The following EIF2S3 variants were observed in gnomAD, a reference collection of about 807,000 sequenced individuals.
EIF2S3 encodes the protein eukaryotic translation initiation factor 2 subunit gamma, also known as eukaryotic translation initiation factor 2 subunit 3.
Under a neutral mutation model 31.7 loss-of-function variants are expected in EIF2S3, and 2 were observed. The observed-to-expected ratio is 0.06, with a 90% CI of 0.03 to 0.20. The LOEUF is 0.20. Among genes scored for constraint, EIF2S3 ranks in the 10% least tolerant of loss-of-function variants. EIF2S3 has a pLI of 1.00. For missense variants in EIF2S3, 96 were observed against 359.3 expected (o/e 0.27, Z 5.92); for synonymous variants, 120 against 126.7 (o/e 0.95, Z 0.36).
chrX:24,060,272 T>C (rs1384419987), intron 5 of EIF2S3, 90 bp downstream of exon 5: 1 of 777,998 alleles, frequency 1.3e-6, no homozygotes, highest in East Asian at 3.3e-5. Flanking sequence ...TTAAGGATCA[T>C]ATCTATTACC....
chrX:24,059,432 T>G (rs994792173), intron 4 of EIF2S3, among the ~76,000 whole-genome samples: 3 of 110,728 alleles, frequency 2.7e-5, no homozygotes, highest in Non-Finnish European at 3.8e-5. Context: ...TTTTTCTCTT[T>G]TTTTTTTGAG....
intron 8 of EIF2S3, among the ~76,000 whole-genome samples, chrX:24,067,585 ATTATT>A (rs781478737): frequency 3.4e-5 from 3 of 89,292 alleles, no homozygotes; most frequent in African/African-American, 1.2e-4. Context: ...GACCTTTATT[ATTATT>A]TTATTTTATT....
At chrX:24,068,549 A>G (rs1930612813) in intron 9 of EIF2S3, among the ~76,000 whole-genome samples, 1 of 109,650 alleles carries the variant, frequency 9.1e-6, no homozygotes, top group African/African-American at 3.3e-5. Flanking sequence ...GGTTCAAGCA[A>G]TTCTTATGCC....
chrX:24,061,251 A>G (rs1450815094), intron 5 of EIF2S3, among the ~76,000 whole-genome samples: 3 of 89,711 alleles, frequency 3.3e-5, no homozygotes, highest in South Asian at 5.6e-4. Context: ...AAGGAGACTC[A>G]GTCTTAAAAA....
rs760017010 is a variant in EIF2S3, at chrX:24,065,446, C to T, written c.773-552C>T. On this transcript the variant is annotated intron_variant, in intron 7 of 11. Transcript: ENST00000253039. ...GACCATCCTGGGCATTAAGGGAAGA[C>T]CCCATTTCTACAAAAAATAAAATAT... Among the ~76,000 whole-genome samples, 6 of 110,793 alleles carry T rather than the reference C, an allele frequency of 5.4e-5. No individual in the cohort carries two copies. The South Asian group carries it at 2.3e-3, about 42-fold the overall frequency.
intron 10 of EIF2S3, among the ~76,000 whole-genome samples, chrX:24,072,745 G>A (rs775181782): frequency 1.8e-5 from 2 of 111,308 alleles, no homozygotes; most frequent in Non-Finnish European, 3.8e-5. Flanking sequence ...GATTACAGGC[G>A]TGTGCCACTG....
At chrX:24,069,910 C>T (rs1001198243) in intron 9 of EIF2S3, among the ~76,000 whole-genome samples, 7 of 108,902 alleles carry the variant, frequency 6.4e-5, no homozygotes, top group Admixed American at 3.0e-4. Context: ...AGGCTGGTCT[C>T]GAACTTCTGG....
chrX:24,057,308 C>T lies in EIF2S3; in HGVS notation c.134-113C>T, dbSNP rs866477570. 5 of 952,156 alleles carry T rather than the reference C, an allele frequency of 5.3e-6. No homozygotes were observed. In the African/African-American group the frequency reaches 5.9e-5, roughly 11 times the overall value. The allele number at this position is 952,156 out of a possible 1,213,427, so 78.5% of individuals were successfully genotyped here. On this transcript the variant is annotated intron_variant, in intron 2 of 11. Transcript: ENST00000253039. ...CCTCCCAAAGTGCTGGGATTACTGG[C>T]GTGAGCCACCGTGTCCAGCTGGCTT...
At chrX:24,058,544 T>C (rs1397430191) in intron 4 of EIF2S3, among the ~76,000 whole-genome samples, 1 of 94,178 alleles carries the variant, frequency 1.1e-5, no homozygotes, top group African/African-American at 4.0e-5. Flanking sequence ...TTCTTTTTTT[T>C]TTTTTTTTTT....
Position 24,054,988 on chromosome X carries a change from G to T in EIF2S3, c.20G>T (p.Gly7Val). ...GGCAACATGGCGGGCGGAGAAGCTG[G>T]AGTGACTCTAGGGCAGCCGCATCTT... MAGGEAGVTLGQPHLSR... is the reference protein window; with the variant it reads MAGGEAVVTLGQPHLSR... Residue 7 changes from glycine (G) to valine (V), a missense_variant, in exon 1 of 12, where the codon GGA becomes GTA. Coordinates refer to ENST00000253039, the MANE Select transcript of EIF2S3 (RefSeq NM_001415.4). 4.1e-6 allele frequency: 5 copies of T among 1,211,023 alleles called. No individual in the cohort carries two copies. The highest frequency in any genetic ancestry group is 5.6e-6 in the Non-Finnish European group (5 of 895,439).
intron 9 of EIF2S3, 21 bp from the exon 10 acceptor site, chrX:24,071,537 A>G (rs370148073): frequency 2.3e-5 from 27 of 1,198,335 alleles, no homozygotes; most frequent in African/African-American, 5.3e-5. Context: ...ATTGAGCTAT[A>G]TACATCTTAT....
At chrX:24,065,856 G>T in intron 7 of EIF2S3, 142 bp from the exon 8 acceptor site, 1 of 466,206 alleles carries the variant, frequency 2.1e-6, no homozygotes, top group Non-Finnish European at 3.6e-6. Context: ...CTTAATCATT[G>T]GAATAATAAT....
rs1478281536 is a variant in EIF2S3, at chrX:24,073,129, C to T, written c.1221C>T (p.Asn407=). Residue 407 remains asparagine (N), a synonymous_variant, in exon 11 of 12, where the codon AAC becomes AAT. Transcript: ENST00000253039. ...KLSKNEVLMV[N]IGSLSTGGRV... ...CTAAGAATGAAGTGCTCATGGTGAA[C>T]ATAGGATCCCTGTCAACAGGAGGGA... The T allele has an allele frequency of 8.3e-7, 1 of 1,211,135 alleles. No individual in the cohort carries two copies. Among genetic ancestry groups the T allele is most frequent in the Admixed American group, 2.2e-5 (1 of 45,862 alleles).
Position 24,065,982 on chromosome X carries a change from A to G in EIF2S3, c.773-16A>G, listed in dbSNP as rs1250767098. On this transcript the variant is annotated splice_polypyrimidine_tract_variant and intron_variant, in intron 7 of 11. Transcript: ENST00000253039. The stretch of plus-strand genomic sequence containing the variant: ...GTTAAGATTAACAGAACTGACTTTA[A>G]TTTGTTTTATTTTAGTTATTAGATC... 3 of 1,161,768 alleles carry G rather than the reference A, an allele frequency of 2.6e-6. No homozygotes were observed. The highest frequency in any genetic ancestry group is 1.2e-6 in the Non-Finnish European group (1 of 857,329).
chrX:24,057,596 G>A (rs772258826), intron 3 of EIF2S3, 37 bp from the exon 4 acceptor site: 1 of 1,208,990 alleles, frequency 8.3e-7, no homozygotes, highest in South Asian at 1.8e-5. Flanking sequence ...TTGTTGTGCA[G>A]ATAACAAATC....
intron 9 of EIF2S3, among the ~76,000 whole-genome samples, chrX:24,070,831 T>C (rs1258955855): frequency 1.8e-5 from 2 of 111,862 alleles, no homozygotes; most frequent in Non-Finnish European, 3.8e-5. Flanking sequence ...TTTTGTATTC[T>C]TTCGGTCTTT....
Position 24,076,926 on chromosome X carries a change from C to CTTTTTTTTTTTTTTTT in EIF2S3, c.*147_*162dup, listed in dbSNP as rs879230822. 3.3e-5 allele frequency: 5 copies of CTTTTTTTTTTTTTTTT among 153,408 alleles called. 1 individual carries two copies. The highest frequency in any genetic ancestry group is 2.8e-4 in the African/African-American group (5 of 17,794). 12.6% of individuals were successfully genotyped at this position (153,408 alleles called of 1,213,427 possible). On this transcript the variant is annotated 3_prime_UTR_variant, in exon 12 of 12. Transcript: ENST00000253039. Reference sequence around the variant, plus strand: ...TAGTAGGTAACGGTAAGGTTATTCTCTTTTTTTTTTTTTTTTTTTTTGGTT... The same window carrying CTTTTTTTTTTTTTTTT: ...TAGTAGGTAACGGTAAGGTTATTCTCTTTTTTTTTTTTTTTTTTTTTTTTTTTTTTTTTTTTTGGTT...
At chrX:24,073,319 G>GA (rs1350599713) in intron 11 of EIF2S3, 56 bp downstream of exon 11, 21 of 1,141,779 alleles carry the variant, frequency 1.8e-5, no homozygotes, top group South Asian at 4.1e-5. Flanking sequence ...GTCTTGTACA[G>GA]AAAAAAAAGC....
Position 24,072,219 on chromosome X carries a change from T to A in EIF2S3, c.1182+492T>A, listed in dbSNP as rs775073173. ...ATGGCAGTTAGTTTAAGAAAGAAACTTAATAAACAGGGAAAAGTATTAGCC... is the reference window on the plus strand; with the variant it reads ...ATGGCAGTTAGTTTAAGAAAGAAACATAATAAACAGGGAAAAGTATTAGCC... On this transcript the variant is annotated intron_variant, in intron 10 of 11. Coordinates refer to ENST00000253039, the MANE Select transcript of EIF2S3 (RefSeq NM_001415.4). Among the ~76,000 whole-genome samples the A allele has an allele frequency of 1.1e-4, 12 of 111,692 alleles. No individual in the cohort carries two copies. The East Asian group carries it at 2.5e-3, about 24-fold the overall frequency.
Sources: allele counts gnomAD v4.1 joint callset (sites outside exome capture counted in the v4.1 genomes callset), GRCh38; gene constraint gnomAD v4.1.1; transcripts MANE v1.5; gene names NCBI Gene and HGNC (gene_info 2026-07-23, HGNC 2026-07-21).